DNAH7: variants seen among roughly 807,000 people sequenced by gnomAD.
DNAH7 encodes the protein axonemal beta dynein heavy chain 7.
Under a neutral mutation model 444.6 loss-of-function variants are expected in DNAH7, and 397 were observed. The ratio of observed to expected loss-of-function variants is 0.89; its 90% CI spans 0.82 to 0.97. DNAH7 has a LOEUF of 0.97. Ranked by LOEUF, DNAH7 falls within the 50% of genes least tolerant of loss-of-function variation. The probability of loss-of-function intolerance (pLI) is 0.00; values close to 1 mark genes in which losing one functional copy is unlikely to be tolerated. For synonymous variants in DNAH7, 1,636 were observed against 1,624.4 expected, an observed-to-expected ratio of 1.01 and a Z score of -0.17; for missense variants, 4,902 against 4,800.8, an observed-to-expected ratio of 1.02 and a Z score of -0.62.
At position 195,926,516 on chromosome 2, in the gene DNAH7, C is replaced by A; in HGVS notation, c.3522G>T (p.Trp1174Cys). The change falls in exon 22 of 65, where the codon TGG (tryptophan) becomes TGT (cysteine). Residue 1174 changes from tryptophan to cysteine, a missense_variant. Transcript: ENST00000312428. ...FAYTKYERIN[W>C]VRDWPGQTVL... ...CAGTCTGTCCAGGCCAATCCCTTAC[C>A]CAGTTAATTCGTTCATATTTTGTAT... 6.2e-7 allele frequency: 1 copy of A among 1,603,014 alleles called. No individual in the cohort carries two copies. Among genetic ancestry groups the A allele is most frequent in the Non-Finnish European group, 8.5e-7 (1 of 1,175,714 alleles).
Position 195,891,820 on chromosome 2 carries a change from A to T in DNAH7, c.4897-16T>A, listed in dbSNP as rs1013127172. ...CCATTAGCCCCTTAATGAAAAAAAAAAACATTTATTTATGTAAAGAATACT... is the reference window on the plus strand; with the variant it reads ...CCATTAGCCCCTTAATGAAAAAAAATAACATTTATTTATGTAAAGAATACT... On this transcript the variant is annotated splice_polypyrimidine_tract_variant and intron_variant, in intron 30 of 64. Transcript: ENST00000312428. The T allele has an allele frequency of 5.8e-6, 9 of 1,561,328 alleles. No individual in the cohort carries two copies. Among genetic ancestry groups the T allele is most frequent in the Admixed American group, 5.8e-5 (3 of 52,086 alleles).
At chr2:195,819,274 C>G (rs1697356703) in intron 49 of DNAH7, among the ~76,000 whole-genome samples, 1 of 152,182 alleles carries the variant, frequency 6.6e-6, no homozygotes, top group Admixed American at 6.5e-5. Flanking sequence ...ACATATTACA[C>G]TGTATGCAAT....
intron 9 of DNAH7, among the ~76,000 whole-genome samples, chr2:196,014,401 A>T (rs1012612626): frequency 6.6e-6 from 1 of 152,096 alleles, no homozygotes; most frequent in Non-Finnish European, 1.5e-5. Context: ...AACAGCTCCA[A>T]ATCACCCAGA....
intron 58 of DNAH7, among the ~76,000 whole-genome samples, chr2:195,783,141 C>A (rs1228080983): frequency 1.3e-5 from 2 of 152,192 alleles, no homozygotes; most frequent in Non-Finnish European, 2.9e-5. Context: ...TCAACCAAGG[C>A]TTCTCCCTCT....
At chr2:195,942,636 C>G (rs1689535819) in intron 19 of DNAH7, among the ~76,000 whole-genome samples, 1 of 152,018 alleles carries the variant, frequency 6.6e-6, no homozygotes, top group Admixed American at 6.6e-5. Flanking sequence ...TATTTCTTCC[C>G]TGGACACTGA....
At position 195,855,951 on chromosome 2, in the gene DNAH7, C is replaced by T; in HGVS notation, c.8455G>A (p.Ala2819Thr). Residue 2819 changes from alanine (A) to threonine (T), a missense_variant, in exon 45 of 65, where the codon GCA becomes ACA. Physicochemically the swap from Ala to Thr is moderately conservative, Grantham distance 58. Transcript: ENST00000312428. ...GCAATTTTAAGCTCCCCTTCAGCTG[C>T]AGCCAGTTTTATCTTTTTGGGAGCT... ...IVAPKKIKLA[A>T]AEGELKIAMD... 1 of 1,613,632 alleles carries T rather than the reference C, an allele frequency of 6.2e-7. No individual in the cohort carries two copies. The highest frequency in any genetic ancestry group is 8.5e-7 in the Non-Finnish European group (1 of 1,179,810).
chr2:196,050,164 T>G (rs1410064992), intron 3 of DNAH7, among the ~76,000 whole-genome samples: 2 of 152,238 alleles, frequency 1.3e-5, no homozygotes, highest in Non-Finnish European at 2.9e-5. Flanking sequence ...TGTTCTCAGC[T>G]TTTAAAATAT....
At chr2:196,027,078 C>T (rs1018724855) in intron 6 of DNAH7, 138 bp from the exon 7 acceptor site, 2 of 608,590 alleles carry the variant, frequency 3.3e-6, no homozygotes, top group Non-Finnish European at 5.5e-6. Flanking sequence ...GTACAATTCA[C>T]ATAGGTATTA....
intron 46 of DNAH7, among the ~76,000 whole-genome samples, 192 bp downstream of exon 46, chr2:195,853,151 G>A (rs1227820922): frequency 2.6e-5 from 4 of 152,054 alleles, no homozygotes; most frequent in Non-Finnish European, 5.9e-5. Flanking sequence ...TTTTTGAAGA[G>A]TATATTATAT....
At chr2:195,986,202 C>T (rs974006531) in intron 14 of DNAH7, among the ~76,000 whole-genome samples, 2 of 152,168 alleles carry the variant, frequency 1.3e-5, no homozygotes, top group South Asian at 4.1e-4. Context: ...TGGCTCATTA[C>T]AGTACTTATT....
intron 58 of DNAH7, among the ~76,000 whole-genome samples, chr2:195,778,640 ATAAATATAT>A (rs1446856663): frequency 1.3e-4 from 8 of 61,788 alleles, no homozygotes; most frequent in East Asian, 5.3e-4. Context: ...AAATAAATAA[ATAAATATAT>A]ATATATATAT....
At chr2:195,900,657 G>A in intron 27 of DNAH7, 163 bp from the exon 28 acceptor site, 1 of 616,462 alleles carries the variant, frequency 1.6e-6, no homozygotes, top group East Asian at 2.9e-5. Context: ...GAAAGGTGAG[G>A]TGGGGCAATG....
intron 62 of DNAH7, 106 bp downstream of exon 62, chr2:195,756,027 G>A (rs1333431915): frequency 3.5e-6 from 4 of 1,149,398 alleles, no homozygotes; most frequent in Non-Finnish European, 4.8e-6. Context: ...TTGTGCCTGG[G>A]ATGCACAGAA....
intron 3 of DNAH7, among the ~76,000 whole-genome samples, chr2:196,050,746 T>C (rs1386202380): frequency 6.6e-6 from 1 of 152,100 alleles, no homozygotes; most frequent in Non-Finnish European, 1.5e-5. Context: ...GATTCCAAAA[T>C]CTAAGAAATA....
intron 47 of DNAH7, among the ~76,000 whole-genome samples, chr2:195,837,176 T>A (rs1389654244): frequency 1.3e-5 from 2 of 152,216 alleles, no homozygotes; most frequent in East Asian, 1.9e-4. Context: ...AAAGGTTGCA[T>A]GTGACAATCT....
At chr2:195,998,576 A>G (rs949054903) in intron 12 of DNAH7, among the ~76,000 whole-genome samples, 15 of 152,116 alleles carry the variant, frequency 9.9e-5, no homozygotes, top group Non-Finnish European at 1.9e-4. Context: ...AAAAAAAAAA[A>G]AAAAAAGTTA....
chr2:195,892,390 T>C (rs1702061795), intron 30 of DNAH7: 1 of 152,058 alleles, frequency 6.6e-6, no homozygotes, highest in South Asian at 2.1e-4. Flanking sequence ...AGTGAAAAAG[T>C]TAATGTTGGT....
intron 63 of DNAH7, among the ~76,000 whole-genome samples, chr2:195,745,889 AAAATCATGCC>A (rs1256988504): frequency 6.6e-6 from 1 of 152,236 alleles, no homozygotes; most frequent in Non-Finnish European, 1.5e-5. Context: ...CAGCCACTGC[AAAATCATGCC>A]AAATTGTAAA....
In DNAH7 at chr2:196,051,250, C is replaced by T. The variant is rs748748445; in HGVS notation, c.79-1G>A. 6.2e-7 allele frequency: 1 copy of T among 1,613,524 alleles called. No homozygotes were observed. Among genetic ancestry groups the T allele is most frequent in the East Asian group, 2.2e-5 (1 of 44,810 alleles). On this transcript the variant is annotated splice_acceptor_variant, in intron 2 of 64. Coordinates refer to ENST00000312428, the MANE Select transcript of DNAH7 (RefSeq NM_018897.3). LOFTEE classifies it high-confidence loss of function. ...ACTTTTCTTTGCTGGCTAATTTCTCCTGTGTGAAAAATATGAAGGGGAAAA... is the reference window on the plus strand; with the variant it reads ...ACTTTTCTTTGCTGGCTAATTTCTCTTGTGTGAAAAATATGAAGGGGAAAA...
Sources: gnomAD v4.1 joint callset for allele counts (sites outside exome capture counted in the v4.1 genomes callset) on GRCh38, gnomAD v4.1.1 for gene constraint, MANE v1.5 for transcripts, NCBI Gene and HGNC (gene_info 2026-07-23, HGNC 2026-07-21) for gene names.